The following STK32B variants were observed in gnomAD, a reference collection of about 807,000 sequenced individuals.
STK32B encodes the protein serine/threonine-protein kinase 32B.
A neutral mutation model predicts 52.6 loss-of-function variants in STK32B; 43 were observed. The ratio of observed to expected loss-of-function variants is 0.82; its 90% CI spans 0.64 to 1.05. STK32B has a LOEUF of 1.05. Ranked by LOEUF, STK32B falls within the 50% of genes least tolerant of loss-of-function variation. The pLI is 0.00. For missense variants in STK32B, 621 were observed against 534.6 expected, an observed-to-expected ratio of 1.16 and a Z score of -1.59; for synonymous variants, 238 against 204.3, an observed-to-expected ratio of 1.17 and a Z score of -1.41.
At chr4:5,389,054 A>G (rs552645972) in intron 4 of STK32B, among the ~76,000 whole-genome samples, 1 of 152,342 alleles carries the variant, frequency 6.6e-6, no homozygotes, top group Non-Finnish European at 1.5e-5. Flanking sequence ...TTCTCTCCCA[A>G]AGGACAAAGC....
At chr4:5,146,342 G>A (rs1343225727) in intron 2 of STK32B, among the ~76,000 whole-genome samples, 2 of 152,158 alleles carry the variant, frequency 1.3e-5, no homozygotes, top group East Asian at 1.9e-4. Context: ...AAGCCTGAGA[G>A]CCCCTGGCAA....
chr4:5,135,846 G>A (rs923504135), intron 1 of STK32B, among the ~76,000 whole-genome samples: 7 of 152,136 alleles, frequency 4.6e-5, no homozygotes, highest in Non-Finnish European at 1.0e-4. Flanking sequence ...TCATTGATTA[G>A]ATCTCATTGA....
intron 6 of STK32B, among the ~76,000 whole-genome samples, chr4:5,426,443 G>A (rs761739620): frequency 7.9e-5 from 12 of 152,086 alleles, no homozygotes; most frequent in Non-Finnish European, 1.6e-4. Context: ...GGTGGCTCAT[G>A]CCTGTAATCT....
intron 4 of STK32B, among the ~76,000 whole-genome samples, chr4:5,376,523 G>A (rs778883125): frequency 6.6e-6 from 1 of 151,938 alleles, no homozygotes; most frequent in Non-Finnish European, 1.5e-5. Flanking sequence ...AAGACCCAGG[G>A]ACCATGGACC....
At chr4:5,389,927 C>T (rs78035899) in intron 4 of STK32B, among the ~76,000 whole-genome samples, 3,631 of 152,218 alleles carry the variant, frequency 0.024, 113 homozygotes, top group East Asian at 0.083. Context: ...GTAGGAGATG[C>T]AGCTGCAGGA....
chr4:5,095,256 G>A (rs1306574317), intron 1 of STK32B, among the ~76,000 whole-genome samples: 3 of 152,190 alleles, frequency 2.0e-5, no homozygotes, highest in African/African-American at 7.2e-5. Context: ...GGTTTAGACT[G>A]TGATGTAATG....
Position 5,467,634 on chromosome 4 carries a change from C to T in STK32B, c.1042-372C>T, listed in dbSNP as rs1332692097. 6.6e-6 allele frequency among the ~76,000 whole-genome samples: 1 copy of T among 152,132 alleles called. No individual in the cohort carries two copies. The highest frequency in any genetic ancestry group is 2.4e-5 in the African/African-American group (1 of 41,432). On this transcript the variant is annotated intron_variant, in intron 10 of 11. Coordinates refer to ENST00000282908, the MANE Select transcript of STK32B (RefSeq NM_018401.3). The surrounding 1 kb of genome is among the most constrained non-coding windows in gnomAD (Gnocchi z 5.8). ...TCAGAGGACACAATTCAACACACAA[C>T]ACCCCCCTCCCCTATGCAAGTGGAG... is the stretch of plus-strand genomic sequence containing the variant.
chr4:5,182,062 A>AGC (rs1720406318), intron 3 of STK32B, among the ~76,000 whole-genome samples: 1 of 152,216 alleles, frequency 6.6e-6, no homozygotes, highest in African/African-American at 2.4e-5. Context: ...TATTCATGGC[A>AGC]TCTTCATATG....
chr4:5,491,735 C>G (rs1224870779), intron 11 of STK32B, among the ~76,000 whole-genome samples: 2 of 151,668 alleles, frequency 1.3e-5, no homozygotes, highest in African/African-American at 4.8e-5. Flanking sequence ...GTCTTTAATC[C>G]ACCTTGAATT....
chr4:5,481,686 T>G (rs1015310330), intron 11 of STK32B, among the ~76,000 whole-genome samples: 21 of 152,226 alleles, frequency 1.4e-4, no homozygotes, highest in Admixed American at 2.0e-4. Context: ...TGGTATTGCC[T>G]AGTTTTTCTT....
chr4:5,201,390 A>G (rs972487517), intron 3 of STK32B, among the ~76,000 whole-genome samples: 4 of 152,266 alleles, frequency 2.6e-5, no homozygotes, highest in African/African-American at 4.8e-5. Flanking sequence ...CTGCCACAGT[A>G]TAGGCACAAC....
At chr4:5,370,021 G>A (rs1043474518) in intron 4 of STK32B, among the ~76,000 whole-genome samples, 1 of 151,858 alleles carries the variant, frequency 6.6e-6, no homozygotes, top group Non-Finnish European at 1.5e-5. Context: ...GACTACAGGC[G>A]CCACCATCAC....
At chr4:5,305,650 G>C (rs1729879681) in intron 3 of STK32B, among the ~76,000 whole-genome samples, 1 of 151,986 alleles carries the variant, frequency 6.6e-6, no homozygotes, top group African/African-American at 2.4e-5. Context: ...CAAAGAACCA[G>C]CTTTTAGTTT....
At position 5,210,907 on chromosome 4, in the gene STK32B, C is replaced by T. The variant is rs527916417; in HGVS notation, c.260+42457C>T. Among the ~76,000 whole-genome samples the T allele has an allele frequency of 5.3e-5, 8 of 151,936 alleles. No individual in the cohort carries two copies. In the South Asian group the frequency reaches 1.7e-3, roughly 32 times the overall value. On this transcript the variant is annotated intron_variant, in intron 3 of 11. Transcript: ENST00000282908. ...ACCTCCTGGGCTCAGGTGATCCTCC[C>T]ACCTCAGCCCCATGAGTAGCTGGGA... is the stretch of plus-strand genomic sequence containing the variant.
At chr4:5,161,274 G>A (rs542927342) in intron 2 of STK32B, among the ~76,000 whole-genome samples, 1 of 152,314 alleles carries the variant, frequency 6.6e-6, no homozygotes, top group African/African-American at 2.4e-5. Context: ...TTTATGTGCT[G>A]TGAAAAGTCA....
chr4:5,325,178 T>A (rs761925769), intron 3 of STK32B, among the ~76,000 whole-genome samples: 5 of 152,138 alleles, frequency 3.3e-5, no homozygotes, highest in Non-Finnish European at 5.9e-5. Context: ...ATGCAAAAAA[T>A]TCCTGTTCCA....
intron 1 of STK32B, among the ~76,000 whole-genome samples, chr4:5,087,527 A>G (rs1269935973): frequency 6.6e-6 from 1 of 152,070 alleles, no homozygotes; most frequent in East Asian, 1.9e-4. Context: ...AAAAACAGCT[A>G]TATGCTATCT....
chr4:5,043,112 C>CAAAAA, the STK32B span, among the ~76,000 whole-genome samples: 3 of 74,368 alleles, frequency 4.0e-5, no homozygotes, highest in South Asian at 1.7e-3. Flanking sequence ...GACTCCGTCT[C>CAAAAA]AAAAAAAAAA....
At chr4:5,415,240 G>T (rs542470420) in intron 5 of STK32B, among the ~76,000 whole-genome samples, 1 of 152,150 alleles carries the variant, frequency 6.6e-6, no homozygotes, top group South Asian at 2.1e-4. Flanking sequence ...CACTCTAACC[G>T]TTTCATGTGT....
Sources: allele counts gnomAD v4.1 joint callset (sites outside exome capture counted in the v4.1 genomes callset), GRCh38; gene constraint gnomAD v4.1.1; non-coding constraint Gnocchi (gnomAD v3.1); transcripts MANE v1.5; gene names NCBI Gene and HGNC (gene_info 2026-07-23, HGNC 2026-07-21).